The following DIAPH2 variants were observed in gnomAD, a reference collection of about 807,000 sequenced individuals.
The protein encoded by DIAPH2 is protein diaphanous homolog 2.
DIAPH2 carries 35 observed loss-of-function variants against 92.7 expected under a neutral mutation model. The observed-to-expected ratio is 0.38, with a 90% CI of 0.29 to 0.50. The LOEUF is 0.50. Among genes scored for constraint, DIAPH2 ranks in the 20% least tolerant of loss-of-function variants. The pLI is 0.94. For missense variants in DIAPH2, 701 were observed against 819.5 expected (o/e 0.86, Z 1.77); for synonymous variants, 301 against 280.4 (o/e 1.07, Z -0.73).
chrX:97,422,722 A>G (rs550229420), intron 25 of DIAPH2, among the ~76,000 whole-genome samples: 361 of 112,191 alleles, frequency 3.2e-3, no homozygotes, highest in Middle Eastern at 0.028. Context: ...ACTGGAATAC[A>G]GTCTTAGGAA....
At chrX:97,528,441 C>T (rs1419779924) in intron 26 of DIAPH2, 1 of 112,178 alleles carries the variant, frequency 8.9e-6, no homozygotes, top group Non-Finnish European at 1.9e-5. Flanking sequence ...GCGTCTGCTT[C>T]TGGTGAGGGC....
intron 5 of DIAPH2, among the ~76,000 whole-genome samples, chrX:96,894,184 T>TA (rs1385152174): frequency 9.0e-6 from 1 of 111,537 alleles, no homozygotes; most frequent in Admixed American, 9.5e-5. Flanking sequence ...CATCCAGTGT[T>TA]ATTGAACATA....
intron 25 of DIAPH2, among the ~76,000 whole-genome samples, chrX:97,393,819 T>A (rs2069681351): frequency 8.9e-6 from 1 of 111,990 alleles, no homozygotes; most frequent in Non-Finnish European, 1.9e-5. Context: ...TAAGCATGAT[T>A]CTTATGCAAA....
At chrX:97,416,314 A>C (rs1331441293) in intron 25 of DIAPH2, among the ~76,000 whole-genome samples, 4 of 112,014 alleles carry the variant, frequency 3.6e-5, no homozygotes, top group Non-Finnish European at 7.5e-5. Context: ...ATTGCTGACC[A>C]TGTTTTGTAC....
At chrX:96,893,122 C>G (rs2065318549) in intron 5 of DIAPH2, among the ~76,000 whole-genome samples, 1 of 111,925 alleles carries the variant, frequency 8.9e-6, no homozygotes, top group South Asian at 3.7e-4. Flanking sequence ...TAATACTTCT[C>G]TCATTATTTT....
chrX:96,932,301 T>A (rs1377817980), intron 10 of DIAPH2, among the ~76,000 whole-genome samples: 1 of 111,239 alleles, frequency 9.0e-6, no homozygotes, highest in Non-Finnish European at 1.9e-5. Flanking sequence ...TCTCTTTCAT[T>A]CCCCTCTATT....
chrX:96,954,948 AC>A (rs1202122002), intron 15 of DIAPH2, among the ~76,000 whole-genome samples: 1 of 112,595 alleles, frequency 8.9e-6, no homozygotes, highest in Non-Finnish European at 1.9e-5. Context: ...CCATATTCAA[AC>A]CAACTAATCT....
At chrX:96,954,277 G>A (rs1166162968) in intron 15 of DIAPH2, 1 of 112,081 alleles carries the variant, frequency 8.9e-6, no homozygotes, top group African/African-American at 3.2e-5. Context: ...TGTGTTCATT[G>A]GTAGTGGTTT....
intron 17 of DIAPH2, among the ~76,000 whole-genome samples, chrX:97,053,980 T>C (rs1352805683): frequency 4.5e-5 from 5 of 111,884 alleles, no homozygotes; most frequent in Non-Finnish European, 9.4e-5. Context: ...GATTTTGCCA[T>C]AGGAAAATCT....
intron 17 of DIAPH2, among the ~76,000 whole-genome samples, chrX:96,981,884 A>G (rs2066000069): frequency 9.0e-6 from 1 of 111,546 alleles, no homozygotes; most frequent in Non-Finnish European, 1.9e-5. Context: ...GGACAAGGGT[A>G]AGGGTATTAA....
rs144171915 is a variant in DIAPH2 at position 96,943,710 on chromosome X, T to C, written c.1444+1574T>C. Among the ~76,000 whole-genome samples, 539 of 111,203 alleles carry C rather than the reference T, an allele frequency of 4.8e-3. 2 individuals carry two copies. Among genetic ancestry groups the C allele is most frequent in the Admixed American group, 9.4e-3 (98 of 10,436 alleles). The stretch of plus-strand genomic sequence containing the variant: ...AAAATAATTGAATACCTATAAAAAA[T>C]AATAATTTAGTCAAGTAGTATTCAG... On this transcript the variant is annotated intron_variant, in intron 13 of 26. Transcript: ENST00000324765.
At chrX:97,334,003 A>T (rs1466949701) in intron 23 of DIAPH2, among the ~76,000 whole-genome samples, 1 of 111,539 alleles carries the variant, frequency 9.0e-6, no homozygotes, top group Non-Finnish European at 1.9e-5. Flanking sequence ...AAAAACAGGT[A>T]AGGTCATGTT....
chrX:97,169,120 TAAC>T (rs1216242674), intron 22 of DIAPH2, among the ~76,000 whole-genome samples: 1 of 59,789 alleles, frequency 1.7e-5, no homozygotes, highest in Non-Finnish European at 3.6e-5. Context: ...TGTAGAATAA[TAAC>T]GTCAGTGAGA....
intron 4 of DIAPH2, among the ~76,000 whole-genome samples, chrX:96,877,443 G>A (rs1055469726): frequency 9.0e-6 from 1 of 111,404 alleles, no homozygotes; most frequent in Non-Finnish European, 1.9e-5. Context: ...TGAAAATATT[G>A]CCCATCCTAT....
chrX:97,463,502 T>A (rs1661297209), intron 26 of DIAPH2, among the ~76,000 whole-genome samples: 1 of 109,776 alleles, frequency 9.1e-6, no homozygotes, highest in Non-Finnish European at 1.9e-5. Flanking sequence ...GCGATTCTCC[T>A]GCCTCAGCCC....
At chrX:97,507,392 T>G (rs1002514587) in intron 26 of DIAPH2, among the ~76,000 whole-genome samples, 10 of 110,854 alleles carry the variant, frequency 9.0e-5, no homozygotes, top group African/African-American at 3.3e-4. Context: ...ATATGAAGAA[T>G]TTTTCCCTAG....
chrX:96,727,157 C>T (rs545984949), intron 1 of DIAPH2, among the ~76,000 whole-genome samples: 100 of 111,735 alleles, frequency 8.9e-4, no homozygotes, highest in African/African-American at 3.1e-3. Context: ...AATGTGTTAC[C>T]CCAGATCCTG....
chrX:97,183,243 G>T (rs774214646), intron 22 of DIAPH2, among the ~76,000 whole-genome samples: 10 of 111,696 alleles, frequency 9.0e-5, no homozygotes, highest in Admixed American at 4.8e-4. Context: ...ATCTTCCCGG[G>T]ATGATTTTTG....
At chrX:97,185,345 A>G (rs1200261231) in intron 22 of DIAPH2, among the ~76,000 whole-genome samples, 1 of 3,757 alleles carries the variant, frequency 2.7e-4, no homozygotes, top group African/African-American at 1.2e-3. Flanking sequence ...ATATATGTAT[A>G]TATATATGTG....
Sources: gnomAD v4.1 joint callset for allele counts (sites outside exome capture counted in the v4.1 genomes callset) on GRCh38, gnomAD v4.1.1 for gene constraint, MANE v1.5 for transcripts, NCBI Gene and HGNC (gene_info 2026-07-23, HGNC 2026-07-21) for gene names.